The following ZRANB3 variants were observed in gnomAD, a reference collection of about 807,000 sequenced individuals.
ZRANB3 encodes zinc finger RANBP2-type containing 3, also known as DNA annealing helicase and endonuclease ZRANB3.
In ZRANB3, 125 loss-of-function variants were observed where a neutral mutation model predicts 133.8. The observed-to-expected ratio is 0.93, with a 90% CI of 0.81 to 1.08. ZRANB3 has a LOEUF of 1.08. ZRANB3 is among the 50% of genes least tolerant of loss of function. The pLI, the probability that ZRANB3 is intolerant of heterozygous loss-of-function variation, is 0.00. For synonymous variants in ZRANB3, 387 were observed against 432.7 expected, an observed-to-expected ratio of 0.89 and a Z score of 1.31; for missense variants, 1,229 against 1,275.5, an observed-to-expected ratio of 0.96 and a Z score of 0.56.
At chr2:135,332,532 C>T (rs571413313) in intron 6 of ZRANB3, among the ~76,000 whole-genome samples, 1 of 152,220 alleles carries the variant, frequency 6.6e-6, no homozygotes, top group Admixed American at 6.5e-5. Flanking sequence ...TTATTCTGGT[C>T]ACCCTTTTCC....
At chr2:135,483,492 T>C (rs1691938818) in intron 2 of ZRANB3, among the ~76,000 whole-genome samples, 1 of 152,146 alleles carries the variant, frequency 6.6e-6, no homozygotes, top group Non-Finnish European at 1.5e-5. Context: ...ATTGCGTCTA[T>C]TTGATTCTTC....
At chr2:135,465,853 G>A (rs1179132756) in intron 2 of ZRANB3, among the ~76,000 whole-genome samples, 1 of 152,074 alleles carries the variant, frequency 6.6e-6, no homozygotes, top group Non-Finnish European at 1.5e-5. Context: ...CAAAAAGTGG[G>A]CAAAGAATAC....
At chr2:135,496,396 A>C (rs1373492126) in intron 2 of ZRANB3, among the ~76,000 whole-genome samples, 2 of 137,480 alleles carry the variant, frequency 1.5e-5, no homozygotes, top group Non-Finnish European at 3.0e-5. Context: ...AAAAAAAAAA[A>C]AAAAAAAAAA....
chr2:135,220,569 G>A (rs1198323217), intron 15 of ZRANB3, among the ~76,000 whole-genome samples: 3 of 151,494 alleles, frequency 2.0e-5, no homozygotes, highest in Non-Finnish European at 2.9e-5. Flanking sequence ...ATGGTGGCGT[G>A]CACCTGTAAT....
intron 2 of ZRANB3, among the ~76,000 whole-genome samples, chr2:135,394,953 C>CAAAAA (rs113220872): frequency 6.2e-4 from 27 of 43,288 alleles, no homozygotes; most frequent in Admixed American, 9.9e-4. Flanking sequence ...CTTGTCTCTA[C>CAAAAA]AAAAAAAAAA....
intron 2 of ZRANB3, among the ~76,000 whole-genome samples, chr2:135,405,581 C>T (rs1314663932): frequency 6.6e-6 from 1 of 152,140 alleles, no homozygotes; most frequent in Non-Finnish European, 1.5e-5. Context: ...TAAAGCACTC[C>T]TCAACAAATG....
At chr2:135,284,220 C>A (rs1468665944) in intron 8 of ZRANB3, among the ~76,000 whole-genome samples, 1 of 152,150 alleles carries the variant, frequency 6.6e-6, no homozygotes, top group Admixed American at 6.5e-5. Context: ...ACCTACACCG[C>A]ATAGGGTTGT....
intron 8 of ZRANB3, among the ~76,000 whole-genome samples, chr2:135,284,088 G>A (rs1033982780): frequency 2.0e-5 from 3 of 152,184 alleles, no homozygotes; most frequent in Non-Finnish European, 2.9e-5. Context: ...TAAGCACATG[G>A]ACTGTGGAGC....
intron 8 of ZRANB3, among the ~76,000 whole-genome samples, chr2:135,300,148 C>T (rs934216037): frequency 1.3e-5 from 2 of 152,062 alleles, no homozygotes; most frequent in Non-Finnish European, 2.9e-5. Context: ...TTGACAAGAA[C>T]AAGATTTCAT....
intron 2 of ZRANB3, among the ~76,000 whole-genome samples, chr2:135,492,424 G>A (rs1053717902): frequency 3.3e-5 from 5 of 152,046 alleles, no homozygotes; most frequent in African/African-American, 1.2e-4. Context: ...GAGGACGAAA[G>A]GAAAGAACTA....
In ZRANB3 at chr2:135,265,678, A is replaced by G. The variant is rs1680205001; in HGVS notation, c.1395T>C (p.Val465=). The G allele has an allele frequency of 1.2e-6, 2 of 1,612,362 alleles. No individual in the cohort carries two copies. The highest frequency in any genetic ancestry group is 2.2e-5 in the South Asian group (2 of 90,614). Residue 465 remains valine, a synonymous_variant, in exon 12 of 21, where the codon GTT becomes GTC. Coordinates refer to ENST00000264159, the MANE Select transcript of ZRANB3 (RefSeq NM_032143.4). ...TCCTACCGTTCAGTGTGCTCCCTGTAACTTGAGCCTACAAGAGGAAAAAGT... is the reference window on the plus strand; with the variant it reads ...TCCTACCGTTCAGTGTGCTCCCTGTGACTTGAGCCTACAAGAGGAAAAAGT... The part of the protein sequence containing the change: ...MWGMLNRKAQ[V]TGSTLNGRKE...
chr2:135,236,475 T>G (rs1055235551), intron 12 of ZRANB3, among the ~76,000 whole-genome samples: 1 of 151,994 alleles, frequency 6.6e-6, no homozygotes, highest in African/African-American at 2.4e-5. Flanking sequence ...GAACCCACAT[T>G]GCCAAGTCAA....
chr2:135,265,710 A>G, intron 11 of ZRANB3, 24 bp from the exon 12 acceptor site: 1 of 1,602,656 alleles, frequency 6.2e-7, no homozygotes, highest in Non-Finnish European at 8.5e-7. Flanking sequence ...AAGTAAATGA[A>G]TTTTTGAGCA....
At chr2:135,289,038 TCA>T (rs762423343) in intron 8 of ZRANB3, among the ~76,000 whole-genome samples, 7 of 152,076 alleles carry the variant, frequency 4.6e-5, no homozygotes, top group African/African-American at 1.4e-4. Context: ...TAGTGCTCTT[TCA>T]CAGTTTTTGA....
At chr2:135,393,574 T>G (rs1235104344) in intron 2 of ZRANB3, among the ~76,000 whole-genome samples, 1 of 152,058 alleles carries the variant, frequency 6.6e-6, no homozygotes, top group African/African-American at 2.4e-5. Flanking sequence ...AGGCAACAAT[T>G]AAGTAAATAA....
intron 2 of ZRANB3, among the ~76,000 whole-genome samples, chr2:135,418,210 A>G (rs1688675623): frequency 6.6e-6 from 1 of 152,234 alleles, no homozygotes; most frequent in Admixed American, 6.5e-5. Context: ...ATTAAGCATT[A>G]TAAGTAATCT....
chr2:135,360,011 T>C (rs549054252), intron 3 of ZRANB3, among the ~76,000 whole-genome samples: 1 of 152,202 alleles, frequency 6.6e-6, no homozygotes, highest in Non-Finnish European at 1.5e-5. Context: ...TAATCTCATA[T>C]TCCCATTAAA....
intron 1 of ZRANB3, among the ~76,000 whole-genome samples, chr2:135,506,931 G>T (rs1010732007): frequency 1.3e-5 from 2 of 152,176 alleles, no homozygotes; most frequent in African/African-American, 4.8e-5. Flanking sequence ...AAACACTCAT[G>T]AGTGGCCCTC....
rs143551432 is a variant in ZRANB3 at position 135,359,513 on chromosome 2, G to C, written c.181-5885C>G. Among the ~76,000 whole-genome samples the C allele has an allele frequency of 2.7e-5, 4 of 150,812 alleles. No individual in the cohort carries two copies. In the East Asian group the frequency reaches 7.8e-4, roughly 30 times the overall value. On this transcript the variant is annotated intron_variant, in intron 3 of 20. Transcript: ENST00000264159. ...TGGGAGGACTGCTTGAGTCCAGAAG[G>C]TTGAAGCTGTAGTGTGCCATTACCA...
Sources: gnomAD v4.1 joint callset for allele counts (sites outside exome capture counted in the v4.1 genomes callset) on GRCh38, gnomAD v4.1.1 for gene constraint, MANE v1.5 for transcripts, NCBI Gene and HGNC (gene_info 2026-07-23, HGNC 2026-07-21) for gene names.